CLYBL: variants seen among roughly 807,000 people sequenced by gnomAD.
CLYBL encodes citramalyl-CoA lyase, also known as citramalyl-CoA lyase, mitochondrial.
In CLYBL, 31 loss-of-function variants were observed where a neutral mutation model predicts 38.9. The ratio of observed to expected loss-of-function variants is 0.80; its 90% CI spans 0.60 to 1.08. The LOEUF (loss-of-function observed/expected upper bound fraction) is 1.08, where lower values mean the gene tolerates loss of function less well. Ranked by LOEUF, CLYBL falls within the 50% of genes least tolerant of loss-of-function variation. CLYBL has a pLI of 0.00. For missense variants in CLYBL, 434 were observed against 411.6 expected, an observed-to-expected ratio of 1.05 and a Z score of -0.47; for synonymous variants, 171 against 158.6, an observed-to-expected ratio of 1.08 and a Z score of -0.59.
chr13:99,836,590 A>G (rs2050940125), intron 2 of CLYBL, among the ~76,000 whole-genome samples: 1 of 152,244 alleles, frequency 6.6e-6, no homozygotes, highest in South Asian at 2.1e-4. Flanking sequence ...TGGTGATGCC[A>G]CGGTGCCACA....
At chr13:99,728,383 AT>A (rs2048520792) in intron 1 of CLYBL, among the ~76,000 whole-genome samples, 2 of 148,138 alleles carry the variant, frequency 1.4e-5, no homozygotes, top group South Asian at 4.3e-4. Flanking sequence ...GGTTCAAGCG[AT>A]TATCCTGCCT....
intron 1 of CLYBL, among the ~76,000 whole-genome samples, chr13:99,742,172 C>T (rs144380266): frequency 0.014 from 2,088 of 152,296 alleles, 37 homozygotes; most frequent in African/African-American, 0.039. Context: ...ATGGAGCACT[C>T]GGTTCCGGGA....
At chr13:99,676,499 T>C (rs1359804226) in intron 1 of CLYBL, among the ~76,000 whole-genome samples, 1 of 151,612 alleles carries the variant, frequency 6.6e-6, no homozygotes, top group African/African-American at 2.4e-5. Context: ...GATTTCGCCA[T>C]GTTGGCCAGG....
intron 1 of CLYBL, among the ~76,000 whole-genome samples, chr13:99,749,055 C>T (rs948103236): frequency 6.6e-6 from 1 of 151,928 alleles, no homozygotes; most frequent in African/African-American, 2.4e-5. Flanking sequence ...TCTGGTGCAC[C>T]TGTAGTCCCA....
At chr13:99,674,846 AC>A (rs1697662939) in intron 1 of CLYBL, among the ~76,000 whole-genome samples, 1 of 152,180 alleles carries the variant, frequency 6.6e-6, no homozygotes, top group African/African-American at 2.4e-5. Context: ...TGTTGCTGCC[AC>A]TGGGTCAGAT....
chr13:99,853,733 T>C (rs539128729), intron 2 of CLYBL, among the ~76,000 whole-genome samples: 99 of 152,296 alleles, frequency 6.5e-4, no homozygotes, highest in African/African-American at 2.2e-3. Context: ...CCAATATAAT[T>C]GACTGGTGAG....
At chr13:99,826,878 C>T (rs1037302821) in intron 2 of CLYBL, among the ~76,000 whole-genome samples, 8 of 152,188 alleles carry the variant, frequency 5.3e-5, no homozygotes, top group East Asian at 3.9e-4. Flanking sequence ...GGAGTTGTCT[C>T]GGGGCCCGAG....
In CLYBL at chr13:99,685,791, G is replaced by T. The variant is rs187148019; in HGVS notation, c.62+79034G>T. 2.4e-3 allele frequency among the ~76,000 whole-genome samples: 367 copies of T among 152,058 alleles called. 2 individuals carry two copies. Among genetic ancestry groups the T allele is most frequent in the African/African-American group, 8.3e-3 (344 of 41,480 alleles). ...AGCCTGGCCAACATGGTGAAACCCC[G>T]CCTCTACTAAAAATACAAAAATTAG... On this transcript the variant is annotated intron_variant, in intron 1 of 8. Transcript: ENST00000339105.
intron 2 of CLYBL, among the ~76,000 whole-genome samples, chr13:99,793,795 T>G (rs1182680602): frequency 6.6e-6 from 1 of 151,606 alleles, no homozygotes; most frequent in Non-Finnish European, 1.5e-5. Context: ...TAAGTAAGAC[T>G]GAGTATGATC....
chr13:99,703,720 A>T (rs934092430), intron 1 of CLYBL, among the ~76,000 whole-genome samples: 2 of 152,122 alleles, frequency 1.3e-5, no homozygotes, highest in African/African-American at 4.8e-5. Context: ...GTATTCAGAA[A>T]GATTATCTAT....
intron 1 of CLYBL, among the ~76,000 whole-genome samples, chr13:99,672,220 A>C (rs536221611): frequency 7.1e-6 from 1 of 139,954 alleles, no homozygotes; most frequent in South Asian, 2.2e-4. Context: ...TTTTTTTGAG[A>C]CAGAGTCCCA....
At chr13:99,652,741 C>T (rs1363364418) in intron 1 of CLYBL, among the ~76,000 whole-genome samples, 1 of 152,222 alleles carries the variant, frequency 6.6e-6, no homozygotes, top group African/African-American at 2.4e-5. Context: ...CACCTCCATA[C>T]TCAGGGAGAA....
At chr13:99,725,551 A>T (rs2048458642) in intron 1 of CLYBL, among the ~76,000 whole-genome samples, 1 of 152,158 alleles carries the variant, frequency 6.6e-6, no homozygotes, top group Admixed American at 6.5e-5. Context: ...AGATGAAGGG[A>T]CATTCTAGTA....
chr13:99,784,881 TC>T (rs540458430), intron 2 of CLYBL, among the ~76,000 whole-genome samples: 1 of 152,204 alleles, frequency 6.6e-6, no homozygotes, highest in East Asian at 1.9e-4. Flanking sequence ...AAGGTACCCA[TC>T]CTTTGACATT....
intron 1 of CLYBL, among the ~76,000 whole-genome samples, chr13:99,649,844 G>T (rs1203644433): frequency 6.6e-6 from 1 of 151,352 alleles, no homozygotes; most frequent in Non-Finnish European, 1.5e-5. Context: ...TCCAGCCTGG[G>T]CAACAGAGCA....
rs543676042 is a variant in CLYBL at position 99,855,473 on chromosome 13, A to G, written c.250-3388A>G. ...AGATGGATATTGGAGGGATGGTCAG[A>G]GCCAACCAGGAGCCAAAGAAAGAGA... On this transcript the variant is annotated intron_variant, in intron 2 of 8. Transcript: ENST00000339105. Among the ~76,000 whole-genome samples the G allele has an allele frequency of 2.0e-5, 3 of 152,272 alleles. No individual in the cohort carries two copies. The South Asian group carries it at 6.2e-4, about 32-fold the overall frequency.
At chr13:99,783,127 C>T (rs1007855242) in intron 2 of CLYBL, among the ~76,000 whole-genome samples, 13 of 151,934 alleles carry the variant, frequency 8.6e-5, no homozygotes, top group Non-Finnish European at 1.0e-4. Context: ...ACTGTAACCT[C>T]CGCCTCCTGG....
intron 7 of CLYBL, among the ~76,000 whole-genome samples, chr13:99,888,800 C>T (rs2152130231): frequency 6.6e-6 from 1 of 152,206 alleles, no homozygotes; most frequent in Middle Eastern, 3.4e-3. Context: ...ATTTCAAACC[C>T]TCCTCAAAAA....
intron 1 of CLYBL, among the ~76,000 whole-genome samples, chr13:99,665,026 G>T (rs1345300253): frequency 6.6e-6 from 1 of 151,560 alleles, no homozygotes; most frequent in Non-Finnish European, 1.5e-5. Flanking sequence ...TTAAAAAGTG[G>T]TTTGGTTAAA....
Sources: gnomAD v4.1 joint callset for allele counts (sites outside exome capture counted in the v4.1 genomes callset) on GRCh38, gnomAD v4.1.1 for gene constraint, MANE v1.5 for transcripts, NCBI Gene and HGNC (gene_info 2026-07-23, HGNC 2026-07-21) for gene names.